Variants in SORCS2 observed in about 807,000 individuals in gnomAD.
The protein encoded by SORCS2 is sortilin related VPS10 domain containing receptor 2, also known as VPS10 domain-containing receptor SorCS2.
Under a neutral mutation model 141.6 loss-of-function variants are expected in SORCS2, and 100 were observed. The observed-to-expected ratio is 0.71, with a 90% CI of 0.60 to 0.83. The LOEUF is 0.83. Among genes scored for constraint, SORCS2 ranks in the 40% least tolerant of loss-of-function variants. The pLI, the probability that SORCS2 is intolerant of heterozygous loss-of-function variation, is 0.00. For missense variants in SORCS2, 1,646 were observed against 1,560.2 expected, an observed-to-expected ratio of 1.05 and a Z score of -0.93; for synonymous variants, 789 against 676.9, an observed-to-expected ratio of 1.17 and a Z score of -2.57.
intron 5 of SORCS2, among the ~76,000 whole-genome samples, chr4:7,660,032 C>T (rs112067597): frequency 0.026 from 3,930 of 152,220 alleles, 174 homozygotes; most frequent in African/African-American, 0.089. Flanking sequence ...TCAAACCATT[C>T]GGGATCATTC....
chr4:7,589,801 T>A (rs939428401), intron 3 of SORCS2, among the ~76,000 whole-genome samples: 1 of 152,166 alleles, frequency 6.6e-6, no homozygotes, highest in Admixed American at 6.5e-5. Flanking sequence ...AACCTGAGGC[T>A]CAGAGAGTTT....
At chr4:7,279,122 G>A (rs1577349754) in intron 1 of SORCS2, among the ~76,000 whole-genome samples, 3 of 152,292 alleles carry the variant, frequency 2.0e-5, no homozygotes, top group East Asian at 1.9e-4. Flanking sequence ...GTCTGTGAGG[G>A]AGTTCTGGAA....
chr4:7,370,699 G>C (rs1247765739), intron 1 of SORCS2, among the ~76,000 whole-genome samples: 1 of 152,172 alleles, frequency 6.6e-6, no homozygotes, highest in Non-Finnish European at 1.5e-5. Context: ...TCCCCACGAG[G>C]CTCCACAGCC....
At chr4:7,462,513 C>T (rs1228010508) in intron 2 of SORCS2, among the ~76,000 whole-genome samples, 4 of 152,110 alleles carry the variant, frequency 2.6e-5, no homozygotes, top group African/African-American at 4.8e-5. Context: ...TCAGTGTACT[C>T]CAGAGACGTT....
intron 1 of SORCS2, among the ~76,000 whole-genome samples, chr4:7,296,912 C>T (rs998633382): frequency 3.3e-5 from 5 of 152,182 alleles, no homozygotes; most frequent in Admixed American, 6.5e-5. Flanking sequence ...GGCCAAGGTC[C>T]GCGTGCCCGG....
chr4:7,321,314 T>G (rs1162832422), intron 1 of SORCS2, among the ~76,000 whole-genome samples: 1 of 152,218 alleles, frequency 6.6e-6, no homozygotes, highest in South Asian at 2.1e-4. Context: ...ATGGTGTATG[T>G]ATACCATATT....
chr4:7,245,018 C>T (rs982837498), intron 1 of SORCS2, among the ~76,000 whole-genome samples: 1 of 152,176 alleles, frequency 6.6e-6, no homozygotes, highest in African/African-American at 2.4e-5. Flanking sequence ...AGGTGGCCGC[C>T]TACCTGGGCC....
intron 1 of SORCS2, among the ~76,000 whole-genome samples, chr4:7,215,531 T>C (rs1728292308): frequency 1.3e-5 from 2 of 152,254 alleles, no homozygotes; most frequent in South Asian, 4.1e-4. Flanking sequence ...GGCGCCGGAC[T>C]GGCAGGCAGC....
chr4:7,380,310 T>A (rs1722907163), intron 1 of SORCS2, among the ~76,000 whole-genome samples: 1 of 152,104 alleles, frequency 6.6e-6, no homozygotes, highest in Non-Finnish European at 1.5e-5. Context: ...GGGACAGGCT[T>A]TTGTGGTTTC....
At chr4:7,559,679 A>G (rs1030800960) in intron 3 of SORCS2, among the ~76,000 whole-genome samples, 2 of 152,178 alleles carry the variant, frequency 1.3e-5, no homozygotes, top group Admixed American at 1.3e-4. Context: ...GCACCTGCCC[A>G]CTGTGCCATC....
intron 1 of SORCS2, among the ~76,000 whole-genome samples, chr4:7,378,312 C>T (rs3864216): frequency 0.65 from 98,043 of 151,980 alleles, 32,496 homozygotes; most frequent in East Asian, 0.96. Flanking sequence ...CTTTTTGGGG[C>T]TCTGTATTAG....
At chr4:7,551,166 T>C in intron 3 of SORCS2, among the ~76,000 whole-genome samples, 1 of 152,348 alleles carries the variant, frequency 6.6e-6, no homozygotes, top group East Asian at 1.9e-4. Flanking sequence ...ATTGAAATTC[T>C]TAAGGGAAAA....
At chr4:7,595,539 C>CG (rs1186401163) in intron 3 of SORCS2, among the ~76,000 whole-genome samples, 1 of 151,966 alleles carries the variant, frequency 6.6e-6, no homozygotes, top group African/African-American at 2.4e-5. Context: ...ACCCCCGCCC[C>CG]GCACCAGCCA....
chr4:7,724,485 G>GAT, intron 19 of SORCS2, among the ~76,000 whole-genome samples: 1 of 147,716 alleles, frequency 6.8e-6, no homozygotes, highest in Non-Finnish European at 1.5e-5. Context: ...TGGTGGTGAT[G>GAT]GTGGTGGTGG....
intron 4 of SORCS2, among the ~76,000 whole-genome samples, chr4:7,641,815 TGG>T (rs71175420): frequency 0.036 from 4,461 of 123,268 alleles, 209 homozygotes; most frequent in South Asian, 0.062. Context: ...GATGGATGGA[TGG>T]GTGGGTGGAT....
chr4:7,294,726 TC>T (rs1716857772), intron 1 of SORCS2, among the ~76,000 whole-genome samples: 1 of 46,932 alleles, frequency 2.1e-5, no homozygotes, highest in African/African-American at 9.0e-5. Context: ...TCCCTCCTCC[TC>T]CTCCTCCCCC....
At chr4:7,695,291 GT>G (rs1724528993) in intron 11 of SORCS2, among the ~76,000 whole-genome samples, 2 of 102,574 alleles carry the variant, frequency 1.9e-5, no homozygotes, top group African/African-American at 4.0e-5. Flanking sequence ...TGGATGGATG[GT>G]TGGATGGGTG....
chr4:7,334,951 G>T (rs1719893706), intron 1 of SORCS2, among the ~76,000 whole-genome samples: 1 of 152,154 alleles, frequency 6.6e-6, no homozygotes, highest in African/African-American at 2.4e-5. Context: ...AGGATTAGGA[G>T]ACGGGTGTGG....
chr4:7,510,200 C>T (rs1577676130), intron 2 of SORCS2, among the ~76,000 whole-genome samples: 1 of 152,256 alleles, frequency 6.6e-6, no homozygotes, highest in African/African-American at 2.4e-5. Flanking sequence ...TGGATGCAAA[C>T]GCCTTCCCTT....
Sources: allele counts gnomAD v4.1 joint callset (sites outside exome capture counted in the v4.1 genomes callset), GRCh38; gene constraint gnomAD v4.1.1; transcripts MANE v1.5; gene names NCBI Gene and HGNC (gene_info 2026-07-23, HGNC 2026-07-21).